Variants in FAM114A2 observed in about 807,000 individuals in gnomAD.
FAM114A2 encodes family with sequence similarity 114 member A2.
In FAM114A2, 53 loss-of-function variants were observed where a neutral mutation model predicts 58.4. That is an observed-to-expected ratio of 0.91 (90% confidence interval 0.73 to 1.14). The LOEUF (loss-of-function observed/expected upper bound fraction) is 1.14. Ranked by LOEUF, FAM114A2 falls within the 50% of genes most tolerant of loss-of-function variation. The probability of loss-of-function intolerance (pLI) is 0.00; values close to 1 mark genes in which losing one functional copy is unlikely to be tolerated. For missense variants in FAM114A2, 601 were observed against 581.1 expected, an observed-to-expected ratio of 1.03 and a Z score of -0.35; for synonymous variants, 228 against 211.4, an observed-to-expected ratio of 1.08 and a Z score of -0.68.
intron 8 of FAM114A2, among the ~76,000 whole-genome samples, chr5:154,021,841 A>T (rs188837999): frequency 1.3e-3 from 198 of 151,978 alleles, no homozygotes; most frequent in African/African-American, 4.7e-3. Flanking sequence ...CATTGCCAAG[A>T]CAATCCTAAG....
intron 13 of FAM114A2, among the ~76,000 whole-genome samples, chr5:153,994,038 T>C (rs1391414215): frequency 1.3e-5 from 2 of 152,150 alleles, no homozygotes; most frequent in African/African-American, 4.8e-5. Flanking sequence ...ACAAAGTCTT[T>C]TCTACTGCAC....
intron 9 of FAM114A2, among the ~76,000 whole-genome samples, chr5:154,006,287 C>T (rs1770338387): frequency 2.0e-5 from 3 of 152,198 alleles, no homozygotes. Flanking sequence ...GCTCTTCTCT[C>T]TCCTAATAAG....
At chr5:153,997,909 T>A in intron 11 of FAM114A2, 34 bp from the exon 12 acceptor site, 1 of 1,316,444 alleles carries the variant, frequency 7.6e-7, no homozygotes, top group Non-Finnish European at 1.1e-6. Flanking sequence ...AAACGTTTTT[T>A]CTTTTTTTAA....
chr5:154,027,790 C>T (rs1428829635), intron 6 of FAM114A2, among the ~76,000 whole-genome samples: 2 of 152,088 alleles, frequency 1.3e-5, no homozygotes, highest in African/African-American at 2.4e-5. Context: ...CGTGAGCCAC[C>T]GTGCCTGACC....
chr5:154,026,396 T>G lies in FAM114A2; in HGVS notation c.913+3A>C. On this transcript the variant is annotated splice_donor_region_variant and intron_variant, in intron 8 of 13. Coordinates refer to ENST00000351797, the MANE Select transcript of FAM114A2 (RefSeq NM_018691.4). Reference sequence around the variant, plus strand: ...CCACTCAGATACTAAATTTTCATATTACCTTTTTTCTCTTCTTCCTCTTCT... The same window carrying G: ...CCACTCAGATACTAAATTTTCATATGACCTTTTTTCTCTTCTTCCTCTTCT... 3 of 1,557,166 alleles carry G rather than the reference T, an allele frequency of 1.9e-6. No individual in the cohort carries two copies. Among genetic ancestry groups the G allele is most frequent in the Non-Finnish European group, 2.6e-6 (3 of 1,155,766 alleles).
At chr5:153,997,773 A>G in intron 12 of FAM114A2, 30 bp downstream of exon 12, 1 of 1,292,336 alleles carries the variant, frequency 7.7e-7, no homozygotes, top group Non-Finnish European at 1.1e-6. Context: ...CCAGACAAAC[A>G]TTATTGCAGT....
intron 7 of FAM114A2, 87 bp downstream of exon 7, chr5:154,027,089 T>C (rs1771834527): frequency 9.0e-7 from 1 of 1,105,564 alleles, no homozygotes; most frequent in Non-Finnish European, 1.3e-6. Context: ...ATACACTTCA[T>C]CTTCCAAATG....
Position 154,028,281 on chromosome 5 carries a change from T to A in FAM114A2, c.498A>T (p.Gly166=), listed in dbSNP as rs748113001. The A allele has an allele frequency of 6.3e-7, 1 of 1,590,712 alleles. No homozygotes were observed. The highest frequency in any genetic ancestry group is 1.3e-5 in the African/African-American group (1 of 74,200). Reference sequence around the variant, plus strand: ...CCAAACCCCCACTTATAACACTCTTTCCCTAGAAAATACATGCAACCTCAT... The same window carrying A: ...CCAAACCCCCACTTATAACACTCTTACCCTAGAAAATACATGCAACCTCAT... ...STISTAVQST[G]KSVISGGLDA... is the part of the protein sequence containing the mutation. Residue 166 remains glycine, a splice_region_variant and synonymous_variant, in exon 6 of 14, where the codon GGA becomes GGT. Coordinates refer to ENST00000351797, the MANE Select transcript of FAM114A2 (RefSeq NM_018691.4).
chr5:153,996,894 G>A (rs1231042201), intron 12 of FAM114A2, among the ~76,000 whole-genome samples: 2 of 151,606 alleles, frequency 1.3e-5, no homozygotes, highest in Non-Finnish European at 2.9e-5. Flanking sequence ...CTACTTGGGA[G>A]GCAGAGGCAG....
In FAM114A2 at chr5:154,002,922, T is replaced by A; in HGVS notation, c.1041A>T (p.Pro347=). 1.2e-6 allele frequency: 2 copies of A among 1,613,842 alleles called. No individual in the cohort carries two copies. ...TTTCTCCTTCTTCATTCTCTGCTAA[T>A]GGCTTGGTCAGAGACTTCCTGATCC... ...HEWIRKSLTK[P]LAENEEGEKQ... Residue 347 remains proline, a synonymous_variant, in exon 10 of 14, where the codon CCA becomes CCT. Transcript: ENST00000351797.
intron 1 of FAM114A2, chr5:154,036,402 C>G (rs1772560874): frequency 6.6e-6 from 1 of 152,186 alleles, no homozygotes; most frequent in Non-Finnish European, 1.5e-5. Flanking sequence ...AGAACAGACA[C>G]TAGTTTCCAG....
chr5:154,013,637 T>C (rs546496274), intron 8 of FAM114A2, among the ~76,000 whole-genome samples: 1 of 152,346 alleles, frequency 6.6e-6, no homozygotes, highest in South Asian at 2.1e-4. Flanking sequence ...CTGAGATTTC[T>C]GATTACTATG....
intron 10 of FAM114A2, among the ~76,000 whole-genome samples, chr5:154,002,614 T>C (rs1251381429): frequency 2.0e-5 from 3 of 152,168 alleles, no homozygotes; most frequent in African/African-American, 7.2e-5. Flanking sequence ...AGATAACAAG[T>C]GTCAGGCAGC....
At chr5:154,000,257 T>C (rs1023348811) in intron 11 of FAM114A2, among the ~76,000 whole-genome samples, 4 of 152,052 alleles carry the variant, frequency 2.6e-5, no homozygotes, top group African/African-American at 9.7e-5. Flanking sequence ...AAACATACAG[T>C]TAGATAGAAA....
intron 8 of FAM114A2, among the ~76,000 whole-genome samples, chr5:154,024,637 C>T (rs1383795832): frequency 2.6e-5 from 4 of 152,102 alleles, no homozygotes; most frequent in African/African-American, 7.2e-5. Context: ...TTTAATACCA[C>T]ATTAAAACTC....
intron 11 of FAM114A2, among the ~76,000 whole-genome samples, chr5:153,998,217 C>A (rs547147615): frequency 4.6e-5 from 7 of 152,326 alleles, no homozygotes; most frequent in African/African-American, 1.7e-4. Context: ...CCAGCATATC[C>A]ACAGAACCCA....
At chr5:154,021,921 G>C (rs1771446144) in intron 8 of FAM114A2, among the ~76,000 whole-genome samples, 1 of 152,144 alleles carries the variant, frequency 6.6e-6, no homozygotes, top group Non-Finnish European at 1.5e-5. Flanking sequence ...AACCAAAACA[G>C]CATGGTACTG....
intron 8 of FAM114A2, among the ~76,000 whole-genome samples, chr5:154,012,395 T>C (rs1770756741): frequency 6.6e-6 from 1 of 152,076 alleles, no homozygotes; most frequent in Admixed American, 6.6e-5. Context: ...TCCTATACAC[T>C]CCCCACTTTG....
chr5:154,037,048 A>AGGG (rs1772609328), intron 1 of FAM114A2: 1 of 152,184 alleles, frequency 6.6e-6, no homozygotes, highest in Non-Finnish European at 1.5e-5. Flanking sequence ...TACCTGATTA[A>AGGG]CCTCTGTAGG....
Sources: gnomAD v4.1 joint callset for allele counts (sites outside exome capture counted in the v4.1 genomes callset) on GRCh38, gnomAD v4.1.1 for gene constraint, MANE v1.5 for transcripts, NCBI Gene and HGNC (gene_info 2026-07-23, HGNC 2026-07-21) for gene names.